OSBPL6: variants seen among roughly 807,000 people sequenced by gnomAD.
The protein encoded by OSBPL6 is oxysterol-binding protein-related protein 6.
OSBPL6 carries 49 observed loss-of-function variants against 125.8 expected under a neutral mutation model. That is an observed-to-expected ratio of 0.39 (90% CI 0.31 to 0.49). The LOEUF (loss-of-function observed/expected upper bound fraction) is 0.49. Ranked by LOEUF, OSBPL6 falls within the 20% of genes least tolerant of loss-of-function variation. The pLI is 0.88. For missense variants in OSBPL6, 986 were observed against 1,135.4 expected, an observed-to-expected ratio of 0.87 and a Z score of 1.89; for synonymous variants, 394 against 391.8, an observed-to-expected ratio of 1.01 and a Z score of -0.07.
chr2:178,301,533 G>T (rs889550248), intron 2 of OSBPL6, among the ~76,000 whole-genome samples: 1 of 152,062 alleles, frequency 6.6e-6, no homozygotes, highest in Non-Finnish European at 1.5e-5. Context: ...TGTTAACAAG[G>T]GTTATCTCTC....
intron 2 of OSBPL6, among the ~76,000 whole-genome samples, chr2:178,300,158 T>G (rs1686149767): frequency 1.3e-5 from 2 of 152,224 alleles, no homozygotes; most frequent in African/African-American, 4.8e-5. Context: ...AAACCTTATC[T>G]TCACTTACAG....
intron 3 of OSBPL6, among the ~76,000 whole-genome samples, chr2:178,321,578 A>G (rs1688250291): frequency 6.6e-6 from 1 of 152,176 alleles, no homozygotes; most frequent in Non-Finnish European, 1.5e-5. Flanking sequence ...ATAGACAATG[A>G]TAGGTTCTAG....
At chr2:178,344,114 C>T (rs1690474944) in intron 11 of OSBPL6, among the ~76,000 whole-genome samples, 1 of 152,154 alleles carries the variant, frequency 6.6e-6, no homozygotes, top group Non-Finnish European at 1.5e-5. Flanking sequence ...GAATGATGAA[C>T]ATTTCTCATA....
At chr2:178,350,162 T>C (rs1437201631) in intron 12 of OSBPL6, among the ~76,000 whole-genome samples, 2 of 152,180 alleles carry the variant, frequency 1.3e-5, no homozygotes, top group Non-Finnish European at 2.9e-5. Context: ...CAGTGAGGCT[T>C]GTTGTATAAA....
intron 1 of OSBPL6, among the ~76,000 whole-genome samples, chr2:178,253,124 C>G (rs779285737): frequency 6.6e-6 from 1 of 151,470 alleles, no homozygotes; most frequent in African/African-American, 2.5e-5. Flanking sequence ...CAGGTTCAAG[C>G]GATTCTCCTG....
intron 1 of OSBPL6, among the ~76,000 whole-genome samples, chr2:178,250,209 G>A (rs2154001879): frequency 6.6e-6 from 1 of 152,246 alleles, no homozygotes; most frequent in Non-Finnish European, 1.5e-5. Flanking sequence ...ATCTTCCTAA[G>A]TATTTCTTAT....
At chr2:178,289,031 T>G (rs1331271033) in intron 2 of OSBPL6, among the ~76,000 whole-genome samples, 1 of 148,056 alleles carries the variant, frequency 6.8e-6, no homozygotes, top group Admixed American at 6.7e-5. Flanking sequence ...TTTTTTTTTT[T>G]TTTTGAGACA....
At chr2:178,212,386 A>G (rs1340879493) in intron 1 of OSBPL6, among the ~76,000 whole-genome samples, 1 of 152,108 alleles carries the variant, frequency 6.6e-6, no homozygotes, top group African/African-American at 2.4e-5. Context: ...AATACTTCCT[A>G]TCGGTTCAGT....
intron 2 of OSBPL6, among the ~76,000 whole-genome samples, chr2:178,294,136 C>T (rs1266918040): frequency 6.6e-6 from 1 of 152,098 alleles, no homozygotes; most frequent in African/African-American, 2.4e-5. Flanking sequence ...ACCATGTGCA[C>T]ATTGACTGCA....
chr2:178,358,146 G>A (rs1370646376), intron 12 of OSBPL6, among the ~76,000 whole-genome samples: 1 of 152,114 alleles, frequency 6.6e-6, no homozygotes, highest in East Asian at 1.9e-4. Context: ...ATGAGTTGAT[G>A]GGTGCAGCAA....
intron 1 of OSBPL6, among the ~76,000 whole-genome samples, chr2:178,259,160 G>A (rs2091977830): frequency 6.6e-6 from 1 of 152,108 alleles, no homozygotes; most frequent in Non-Finnish European, 1.5e-5. Context: ...TGAGTCATTG[G>A]CTAATATAAC....
At chr2:178,208,974 G>A (rs1414287483) in intron 1 of OSBPL6, among the ~76,000 whole-genome samples, 1 of 151,996 alleles carries the variant, frequency 6.6e-6, no homozygotes, top group African/African-American at 2.4e-5. Flanking sequence ...AATATTCAAG[G>A]CTTTAGTCCA....
chr2:178,273,815 C>T (rs1427177077), intron 1 of OSBPL6, among the ~76,000 whole-genome samples: 1 of 152,138 alleles, frequency 6.6e-6, no homozygotes. Context: ...TCAGCTAAGG[C>T]ATACAGCATA....
intron 2 of OSBPL6, among the ~76,000 whole-genome samples, chr2:178,293,920 A>C (rs939940285): frequency 1.3e-5 from 2 of 152,134 alleles, no homozygotes; most frequent in African/African-American, 4.8e-5. Flanking sequence ...GAACCTCTAA[A>C]TTTTATACCT....
chr2:178,362,982 C>T (rs1021116479), intron 13 of OSBPL6, among the ~76,000 whole-genome samples: 3 of 152,086 alleles, frequency 2.0e-5, no homozygotes, highest in African/African-American at 4.8e-5. Flanking sequence ...ACTCAGTTGA[C>T]GTTAATTGGT....
chr2:178,278,017 ACT>A (rs1164792061), intron 1 of OSBPL6, among the ~76,000 whole-genome samples: 2 of 151,690 alleles, frequency 1.3e-5, no homozygotes, highest in East Asian at 3.9e-4. Context: ...CCCCTGCTCT[ACT>A]CTCCTCCTTT....
chr2:178,308,526 G>A (rs918517853), intron 3 of OSBPL6, among the ~76,000 whole-genome samples: 1 of 152,180 alleles, frequency 6.6e-6, no homozygotes, highest in African/African-American at 2.4e-5. Flanking sequence ...GAATACAGTG[G>A]TATCTTAATG....
intron 12 of OSBPL6, among the ~76,000 whole-genome samples, chr2:178,353,347 G>A (rs1283345382): frequency 6.6e-6 from 1 of 152,088 alleles, no homozygotes; most frequent in African/African-American, 2.4e-5. Flanking sequence ...TAAAAACCTT[G>A]AAAAAAGGTT....
At chr2:178,298,498 G>C (rs889420131) in intron 2 of OSBPL6, among the ~76,000 whole-genome samples, 1 of 151,978 alleles carries the variant, frequency 6.6e-6, no homozygotes, top group Non-Finnish European at 1.5e-5. Flanking sequence ...AGCTCAGCTC[G>C]CTGCAGCCTT....
Sources: allele counts gnomAD v4.1 joint callset (sites outside exome capture counted in the v4.1 genomes callset), GRCh38; gene constraint gnomAD v4.1.1; transcripts MANE v1.5; gene names NCBI Gene and HGNC (gene_info 2026-07-23, HGNC 2026-07-21).